Variants in AMOTL1 observed in about 807,000 individuals in gnomAD.
AMOTL1 encodes angiomotin-like protein 1.
Under a neutral mutation model 102.9 loss-of-function variants are expected in AMOTL1, and 45 were observed. The observed-to-expected ratio is 0.44, with a 90% CI of 0.34 to 0.56. The LOEUF (loss-of-function observed/expected upper bound fraction) is 0.56. Among genes scored for constraint, AMOTL1 ranks in the 20% least tolerant of loss-of-function variants. AMOTL1 has a pLI of 0.01. For synonymous variants in AMOTL1, 481 were observed against 484.7 expected, an observed-to-expected ratio of 0.99 and a Z score of 0.10; for missense variants, 1,114 against 1,225.6, an observed-to-expected ratio of 0.91 and a Z score of 1.36.
intron 11 of AMOTL1, chr11:94,866,390 C>T (rs1952883464): frequency 5.2e-6 from 3 of 573,352 alleles, no homozygotes; most frequent in Non-Finnish European, 6.2e-6. Context: ...CATGGGTTGA[C>T]TCAGATCAGA....
At chr11:94,784,613 C>A (rs1242902298) in intron 1 of AMOTL1, among the ~76,000 whole-genome samples, 3 of 152,130 alleles carry the variant, frequency 2.0e-5, no homozygotes. Context: ...GTTTAATCTC[C>A]TTTACTTATC....
At chr11:94,711,572 G>A (rs1049588200) in intron 1 of AMOTL1, among the ~76,000 whole-genome samples, 1 of 151,980 alleles carries the variant, frequency 6.6e-6, no homozygotes, top group Non-Finnish European at 1.5e-5. Context: ...ATCACTGCAA[G>A]GCTTCTTTAT....
intron 2 of AMOTL1, among the ~76,000 whole-genome samples, chr11:94,732,311 G>A (rs1463361827): frequency 6.6e-6 from 1 of 152,102 alleles, no homozygotes; most frequent in Non-Finnish European, 1.5e-5. Context: ...CACAACATCT[G>A]CCCTTCTATT....
chr11:94,745,277 TG>T (rs1156362198), intron 3 of AMOTL1, among the ~76,000 whole-genome samples: 5 of 132,788 alleles, frequency 3.8e-5, no homozygotes, highest in Non-Finnish European at 6.3e-5. Flanking sequence ...GGACCCAGTG[TG>T]TGATGTTCCC....
At chr11:94,822,323 C>T (rs1951882066) in intron 4 of AMOTL1, among the ~76,000 whole-genome samples, 1 of 152,090 alleles carries the variant, frequency 6.6e-6, no homozygotes, top group South Asian at 2.1e-4. Context: ...CCTTGCAGTC[C>T]CAGCTACTCA....
At chr11:94,840,230 T>C (rs943043503) in intron 6 of AMOTL1, among the ~76,000 whole-genome samples, 3 of 152,210 alleles carry the variant, frequency 2.0e-5, no homozygotes, top group Non-Finnish European at 4.4e-5. Context: ...CAATTATTTT[T>C]CAAAACTATT....
At chr11:94,741,088 G>C in intron 3 of AMOTL1, 1 of 1,004,838 alleles carries the variant, frequency 1.0e-6, no homozygotes, top group Non-Finnish European at 1.4e-6. Context: ...GGATGGGGCT[G>C]GGGTTGGAGG....
chr11:94,727,274 A>G (rs1950276274), intron 1 of AMOTL1, among the ~76,000 whole-genome samples: 2 of 152,220 alleles, frequency 1.3e-5, no homozygotes, highest in Admixed American at 1.3e-4. Context: ...TTAAGGATGT[A>G]GTATTATTGT....
chr11:94,754,156 T>A (rs1482996176), intron 3 of AMOTL1, among the ~76,000 whole-genome samples: 1 of 152,176 alleles, frequency 6.6e-6, no homozygotes, highest in Non-Finnish European at 1.5e-5. Context: ...CTATGAGCAA[T>A]TTCAATTATT....
intron 3 of AMOTL1, among the ~76,000 whole-genome samples, chr11:94,759,496 T>A (rs1950765756): frequency 1.3e-5 from 2 of 151,020 alleles, no homozygotes; most frequent in Admixed American, 1.3e-4. Flanking sequence ...TCATTCCTCA[T>A]CTATAATGTG....
rs1374261752 is a variant in AMOTL1 at position 94,859,654 on chromosome 11, C to T, written c.2074C>T (p.Leu692=). ...CATGACAAAGTGGGAGCAGAAGTAC[C>T]TGGAGGAGAGCACCATCCGACACTT... ...ADMTKWEQKY[L]EESTIRHFAM... Residue 692 remains leucine, a synonymous_variant, in exon 9 of 13, where the codon CTG becomes TTG. Transcript: ENST00000433060. 3.1e-6 allele frequency: 5 copies of T among 1,613,248 alleles called. No homozygotes were observed. Among genetic ancestry groups the T allele is most frequent in the Non-Finnish European group, 4.2e-6 (5 of 1,179,592 alleles).
intron 1 of AMOTL1, among the ~76,000 whole-genome samples, chr11:94,771,140 G>A (rs1359472551): frequency 6.7e-6 from 1 of 150,298 alleles, no homozygotes; most frequent in Admixed American, 6.7e-5. Context: ...AATTGTAAAA[G>A]TTTGATTTTT....
rs538233169 is a variant in AMOTL1 at position 94,713,130 on chromosome 11, T to C, written c.-51+6533T>C. Among the ~76,000 whole-genome samples the C allele has an allele frequency of 2.3e-4, 35 of 152,058 alleles. 1 individual carries two copies. The highest frequency in any genetic ancestry group is 2.0e-3 in the Admixed American group (31 of 15,250). ...AAAAGGCTCTCCTTCTTTCTTTGGA[T>C]TGGTTTTTCAGCTTTGTCAAGAAAT... On this transcript the variant is annotated intron_variant, in intron 1 of 4. Transcript: ENST00000299004.
At chr11:94,766,127 G>T (rs921589837), upstream of AMOTL1, among the ~76,000 whole-genome samples, 4 of 152,132 alleles carry the variant, frequency 2.6e-5, no homozygotes, top group Non-Finnish European at 5.9e-5. Context: ...ATAAAATCTT[G>T]CTTCAAAGAT....
In AMOTL1 at chr11:94,800,110, G is replaced by A; in HGVS notation, c.920G>A (p.Arg307Gln). 6 of 1,613,914 alleles carry A rather than the reference G, an allele frequency of 3.7e-6. No individual in the cohort carries two copies. The highest frequency in any genetic ancestry group is 1.1e-5 in the South Asian group (1 of 91,070). Reference protein sequence around the residue: ...AQPAGKVLDPRGPPPEYPFKT... With the variant: ...AQPAGKVLDPQGPPPEYPFKT... ...CCTGCAGGTAAAGTGCTGGACCCTC[G>A]GGGTCCTCCACCTGAGTACCCCTTC... The change falls in exon 3 of 13, where the codon CGG becomes CAG. Residue 307 changes from arginine (R) to glutamine (Q), a missense_variant. By Grantham distance (43) the Arg-to-Gln change is conservative. Transcript: ENST00000433060.
chr11:94,854,090 A>T lies in AMOTL1; in HGVS notation c.1944+8A>T. On this transcript the variant is annotated splice_region_variant and intron_variant, in intron 8 of 12. Coordinates refer to ENST00000433060, the MANE Select transcript of AMOTL1 (RefSeq NM_130847.3). ...GCACTGAGAACCCAGCAGGTAAGGA[A>T]CTGGGCATGGACTGGTGAAAGAATT... The T allele has an allele frequency of 6.5e-7, 1 of 1,537,674 alleles. No homozygotes were observed. The highest frequency in any genetic ancestry group is 8.8e-7 in the Non-Finnish European group (1 of 1,138,466).
intron 3 of AMOTL1, among the ~76,000 whole-genome samples, chr11:94,801,796 A>C (rs1294596039): frequency 6.6e-6 from 1 of 152,196 alleles, no homozygotes; most frequent in African/African-American, 2.4e-5. Context: ...ACACTTTGGG[A>C]GTCAGAAATG....
At chr11:94,811,761 A>G (rs1299430005) in intron 3 of AMOTL1, among the ~76,000 whole-genome samples, 1 of 152,216 alleles carries the variant, frequency 6.6e-6, no homozygotes, top group Non-Finnish European at 1.5e-5. Flanking sequence ...ATTACTGAGC[A>G]CTTTAAAGTT....
intron 3 of AMOTL1, among the ~76,000 whole-genome samples, chr11:94,816,854 A>G (rs1325935459): frequency 1.3e-5 from 2 of 152,150 alleles, no homozygotes; most frequent in Non-Finnish European, 2.9e-5. Context: ...ACTCCTCAAG[A>G]CCCAGAGACT....
Sources: gnomAD v4.1 joint callset for allele counts (sites outside exome capture counted in the v4.1 genomes callset) on GRCh38, gnomAD v4.1.1 for gene constraint, MANE v1.5 for transcripts, NCBI Gene and HGNC (gene_info 2026-07-23, HGNC 2026-07-21) for gene names.